Variants in EFCAB11 observed in about 807,000 individuals in gnomAD.
EFCAB11 encodes EF-hand calcium-binding domain-containing protein 11.
EFCAB11 carries 14 observed loss-of-function variants against 23.0 expected under a neutral mutation model. The observed-to-expected ratio is 0.61, with a 90% CI of 0.40 to 0.95. The LOEUF (loss-of-function observed/expected upper bound fraction) is 0.95, where lower values mean the gene tolerates loss of function less well. EFCAB11 is among the 40% of genes least tolerant of loss of function. The probability of loss-of-function intolerance (pLI) is 0.00; values close to 1 mark genes in which losing one functional copy is unlikely to be tolerated. For synonymous variants in EFCAB11, 65 were observed against 66.6 expected (o/e 0.98, Z 0.11); for missense variants, 198 against 195.8 (o/e 1.01, Z -0.07).
At chr14:89,897,273 T>C (rs1889198673) in intron 5 of EFCAB11, among the ~76,000 whole-genome samples, 1 of 150,396 alleles carries the variant, frequency 6.6e-6, no homozygotes. Context: ...AGTGGCGTGA[T>C]CTTCGCTCAC....
intron 5 of EFCAB11, among the ~76,000 whole-genome samples, chr14:89,842,859 A>T (rs1566780663): frequency 6.6e-6 from 1 of 151,848 alleles, no homozygotes; most frequent in Non-Finnish European, 1.5e-5. Context: ...TCTGCACATG[A>T]TTTTCCATAT....
At chr14:89,914,038 T>C (rs968132036) in intron 5 of EFCAB11, among the ~76,000 whole-genome samples, 4 of 152,178 alleles carry the variant, frequency 2.6e-5, no homozygotes, top group African/African-American at 2.4e-5. Flanking sequence ...GGGACACTGT[T>C]GCTACACCTG....
intron 5 of EFCAB11, among the ~76,000 whole-genome samples, chr14:89,917,519 T>C (rs1889888819): frequency 1.3e-5 from 2 of 152,220 alleles, no homozygotes; most frequent in South Asian, 2.1e-4. Context: ...TGGGTTTCCA[T>C]ATCTCGGCTA....
intron 5 of EFCAB11, chr14:89,830,548 T>C (rs1886848604): frequency 6.6e-6 from 1 of 152,382 alleles, no homozygotes; most frequent in African/African-American, 2.4e-5. Flanking sequence ...GTGGTTCTTT[T>C]CCACAGAGAG....
At position 89,797,234 on chromosome 14, in the gene EFCAB11, T is replaced by C; in HGVS notation, c.*9A>G. On this transcript the variant is annotated 3_prime_UTR_variant, in exon 6 of 6. Transcript: ENST00000316738. ...TCTCCCCAGAGTTACCAAAAGTAGT[T>C]CACAATAGTTAGGCTTCCTTCTGTC... 1 of 1,612,380 alleles carries C rather than the reference T, an allele frequency of 6.2e-7. No homozygotes were observed. Among genetic ancestry groups the C allele is most frequent in the Non-Finnish European group, 8.5e-7 (1 of 1,179,120 alleles).
intron 5 of EFCAB11, among the ~76,000 whole-genome samples, chr14:89,834,179 A>T (rs1886980337): frequency 2.0e-5 from 3 of 151,890 alleles, no homozygotes; most frequent in Admixed American, 2.0e-4. Context: ...GATAGAAACC[A>T]TCCTGGCCGA....
intron 5 of EFCAB11, among the ~76,000 whole-genome samples, chr14:89,870,755 C>A (rs1453996216): frequency 7.6e-6 from 1 of 131,772 alleles, no homozygotes; most frequent in Non-Finnish European, 1.6e-5. Context: ...TATGGTGACA[C>A]CTCATCTCTA....
At chr14:89,853,635 T>C (rs935460429) in intron 5 of EFCAB11, among the ~76,000 whole-genome samples, 1 of 152,204 alleles carries the variant, frequency 6.6e-6, no homozygotes. Flanking sequence ...AAAATGAATA[T>C]TAAATAAAAG....
At chr14:89,802,656 G>A (rs1220193926) in intron 5 of EFCAB11, among the ~76,000 whole-genome samples, 5 of 152,144 alleles carry the variant, frequency 3.3e-5, no homozygotes, top group Admixed American at 3.3e-4. Flanking sequence ...GCCTCCCATA[G>A]TGCTGGGATT....
intron 5 of EFCAB11, among the ~76,000 whole-genome samples, chr14:89,884,488 A>T (rs1225139265): frequency 6.6e-6 from 1 of 152,144 alleles, no homozygotes; most frequent in Non-Finnish European, 1.5e-5. Context: ...CCCCACCAAG[A>T]TGGGGAAGAA....
At chr14:89,861,640 A>G (rs2140151174) in intron 5 of EFCAB11, among the ~76,000 whole-genome samples, 1 of 152,332 alleles carries the variant, frequency 6.6e-6, no homozygotes, top group South Asian at 2.1e-4. Context: ...CCCCAAATTT[A>G]TAAACTGATT....
rs372614988 is a variant in EFCAB11, at chr14:89,903,844, T to A, written c.410+27697A>T. On this transcript the variant is annotated intron_variant, in intron 5 of 5. Coordinates refer to ENST00000316738, the MANE Select transcript of EFCAB11 (RefSeq NM_145231.4). The stretch of plus-strand genomic sequence containing the variant: ...CATCTCAAACCACATCTATCATATG[T>A]ACACAATGGAACAAAAACTCAGGCG... Among the ~76,000 whole-genome samples, 6 of 152,312 alleles carry A rather than the reference T, an allele frequency of 3.9e-5. No homozygotes were observed. The East Asian group carries it at 9.6e-4, about 24-fold the overall frequency.
intron 5 of EFCAB11, among the ~76,000 whole-genome samples, chr14:89,925,276 G>T (rs1890154043): frequency 6.6e-6 from 1 of 152,220 alleles, no homozygotes; most frequent in Non-Finnish European, 1.5e-5. Context: ...AAGGGGACCA[G>T]ATGTTGGAAA....
At chr14:89,861,593 A>T (rs1887922607) in intron 5 of EFCAB11, among the ~76,000 whole-genome samples, 1 of 152,180 alleles carries the variant, frequency 6.6e-6, no homozygotes, top group African/African-American at 2.4e-5. Flanking sequence ...CTATGGTTTA[A>T]ATGTGTCCCC....
At chr14:89,944,896 TAATA>T (rs1431870510) in intron 3 of EFCAB11, among the ~76,000 whole-genome samples, 8 of 144,766 alleles carry the variant, frequency 5.5e-5, no homozygotes, top group Non-Finnish European at 1.1e-4. Context: ...TTAGATCTAA[TAATA>T]AATCTAATAA....
At chr14:89,810,694 T>TGCAGTGAGCTGAGATTGC (rs953448138) in intron 5 of EFCAB11, among the ~76,000 whole-genome samples, 2 of 148,610 alleles carry the variant, frequency 1.3e-5, no homozygotes, top group Non-Finnish European at 3.0e-5. Context: ...AGGCAAAGGT[T>TGCAGTGAGCTGAGATTGC]GCAGTGAGCT....
intron 5 of EFCAB11, 93 bp from the exon 6 acceptor site, chr14:89,797,417 G>A: frequency 1.8e-6 from 2 of 1,121,632 alleles, no homozygotes; most frequent in East Asian, 5.0e-5. Context: ...TTGCATGTCT[G>A]TGTGAGAGAG....
chr14:89,859,391 G>C (rs1449742483), intron 5 of EFCAB11, among the ~76,000 whole-genome samples: 1 of 152,146 alleles, frequency 6.6e-6, no homozygotes, highest in African/African-American at 2.4e-5. Flanking sequence ...GAATGAAATG[G>C]CAGAAACCAT....
intron 5 of EFCAB11, among the ~76,000 whole-genome samples, chr14:89,877,156 C>G (rs755635149): frequency 1.3e-5 from 2 of 152,048 alleles, no homozygotes; most frequent in Non-Finnish European, 2.9e-5. Context: ...TCTCCTCCCT[C>G]AGCCTCCTGA....
Sources: gnomAD v4.1 joint callset for allele counts (sites outside exome capture counted in the v4.1 genomes callset) on GRCh38, gnomAD v4.1.1 for gene constraint, MANE v1.5 for transcripts, NCBI Gene and HGNC (gene_info 2026-07-23, HGNC 2026-07-21) for gene names.